CGB7: variants seen among roughly 807,000 people sequenced by gnomAD.
CGB7 encodes the protein choriogonadotropin subunit beta 7.
A neutral mutation model predicts 7.3 loss-of-function variants in CGB7; 6 were observed. The observed-to-expected ratio is 0.82, with a 90% CI of 0.45 to 1.62. The LOEUF is 1.62. CGB7 is among the 40% of genes most tolerant of loss of function. The pLI is 0.01. For synonymous variants in CGB7, 47 were observed against 100.8 expected (o/e 0.47, Z 3.20); for missense variants, 114 against 236.2 (o/e 0.48, Z 3.39).
chr19:49,056,466 C>G lies in CGB7; in HGVS notation c.-1091G>C. On this transcript the variant is annotated 5_prime_UTR_variant, in exon 3 of 5. Transcript: ENST00000684222. ...TGAGCCGGAGACATGGCCCGCCGTG[C>G]GGCGCTCGAGGCGGCCTGGAAGAGC... is the stretch of plus-strand genomic sequence containing the variant. The G allele has an allele frequency of 7.7e-6, 10 of 1,300,072 alleles. No homozygotes were observed. Among genetic ancestry groups the G allele is most frequent in the Non-Finnish European group, 9.0e-6 (9 of 995,724 alleles). The allele number at this position is 1,300,072 out of a possible 1,614,324, so 80.5% of individuals were successfully genotyped here.
rs141939188 is a variant in CGB7, at chr19:49,057,728, G to C, written c.-1615C>G. ...CCTGAAGGCGAGTTTCCAGCCCCTG[G>C]TCCTTCTGGCCTGGCGTGGATGCCC... On this transcript the variant is annotated 5_prime_UTR_variant, in exon 1 of 5. Transcript: ENST00000684222. 4,482 of 1,314,370 alleles carry C rather than the reference G, an allele frequency of 3.4e-3. 11 individuals carry two copies. Among genetic ancestry groups the C allele is most frequent in the Non-Finnish European group, 3.8e-3 (3,957 of 1,033,210 alleles). 81.4% of individuals were successfully genotyped at this position (1,314,370 alleles called of 1,614,324 possible). A position where few individuals can be genotyped will look rare whatever the true frequency, so the allele number is the denominator to read the frequency against.
At position 49,056,155 on chromosome 19, in the gene CGB7, A is replaced by G; in HGVS notation, c.-780T>C. The stretch of plus-strand genomic sequence containing the variant: ...AGTCCTGTCCCCACACTGCGGATAG[A>G]CTTAATGAGTGCGAGCCCACCTAGG... On this transcript the variant is annotated 5_prime_UTR_variant, in exon 3 of 5. Coordinates refer to ENST00000684222, the MANE Select transcript of CGB7 (RefSeq NM_001385261.1). 1 of 1,235,986 alleles carries G rather than the reference A, an allele frequency of 8.1e-7. No homozygotes were observed. The highest frequency in any genetic ancestry group is 1.0e-6 in the Non-Finnish European group (1 of 960,748). 76.6% of individuals were successfully genotyped at this position (1,235,986 alleles called of 1,614,324 possible).
chr19:49,055,284 C>T (rs2040043199), intron 3 of CGB7, 77 bp downstream of exon 3: 6 of 1,608,256 alleles, frequency 3.7e-6, no homozygotes, highest in East Asian at 2.2e-5. Context: ...TTCCACAGCT[C>T]ACACTGGTCT....
chr19:49,056,935 G>T (rs1026381188), intron 2 of CGB7, among the ~76,000 whole-genome samples, 186 bp downstream of exon 2: 2 of 152,200 alleles, frequency 1.3e-5, no homozygotes, highest in African/African-American at 4.8e-5. Flanking sequence ...GGTTCCTGGA[G>T]GTGACACTAA....
chr19:49,054,493 A>T lies in CGB7; in HGVS notation c.296T>A (p.Val99Glu). The change falls in exon 5 of 5, where the codon GTG (valine) becomes GAG (glutamate). Residue 99 changes from valine to glutamate, a missense_variant. Val to Glu is a moderately radical substitution (Grantham distance 121). Around this residue, in one of 3 missense-constraint regions of CGB7, gnomAD observed 36 missense variants for 126.1 expected, o/e 0.29. Transcript: ENST00000684222. Reference sequence around the variant, plus strand: ...GCTGAGAGCCACGGCGTAGGAGACCACGGGGTTCACGCCGCGCGGGCAGCC... The same window carrying T: ...GCTGAGAGCCACGGCGTAGGAGACCTCGGGGTTCACGCCGCGCGGGCAGCC... ...LPGCPRGVNPVVSYAVALSCQ... is the reference protein window; with the variant it reads ...LPGCPRGVNPEVSYAVALSCQ... 2 of 1,550,740 alleles carry T rather than the reference A, an allele frequency of 1.3e-6. No individual in the cohort carries two copies. Among genetic ancestry groups the T allele is most frequent in the Admixed American group, 1.8e-5 (1 of 56,462 alleles).
chr19:49,056,518 T>G lies in CGB7; in HGVS notation c.-1143A>C, dbSNP rs1265232062. 7.7e-7 allele frequency: 1 copy of G among 1,302,994 alleles called. No homozygotes were observed. Among genetic ancestry groups the G allele is most frequent in the East Asian group, 5.0e-5 (1 of 19,896 alleles). 80.7% of individuals were successfully genotyped at this position (1,302,994 alleles called of 1,614,324 possible). On this transcript the variant is annotated 5_prime_UTR_variant, in exon 3 of 5. Coordinates refer to ENST00000684222, the MANE Select transcript of CGB7 (RefSeq NM_001385261.1). ...GAGACAGGGCTGCCGCTGCGGGTCG[T>G]GACTCCAGAGTTGGGGCGTCTCTTC...
chr19:49,054,816 C>G (rs763644338), intron 4 of CGB7, 25 bp downstream of exon 4: 20 of 1,565,306 alleles, frequency 1.3e-5, no homozygotes, highest in Non-Finnish European at 1.6e-5. Flanking sequence ...GGTGGCAGCA[C>G]CTGCCCGGGC....
In CGB7 at chr19:49,055,789, A is replaced by G; in HGVS notation, c.-414T>C. The G allele has an allele frequency of 8.9e-7, 1 of 1,117,744 alleles. No homozygotes were observed. Among genetic ancestry groups the G allele is most frequent in the Non-Finnish European group, 1.1e-6 (1 of 907,358 alleles). The allele number at this position is 1,117,744 out of a possible 1,614,324, so 69.2% of individuals were successfully genotyped here. ...TTGAGCCATTCCTGCACCACAGTCC[A>G]ACCTAACAGGAGGGGCGCGGCTTCG... On this transcript the variant is annotated 5_prime_UTR_variant, in exon 3 of 5. Transcript: ENST00000684222.
chr19:49,057,464 C>T lies in CGB7; in HGVS notation c.-1351G>A. ...ACCCGAACCCTTCCCAGCCTCACCT[C>T]CCTAAATCCAAGCCCTCCTGCTGGT... On this transcript the variant is annotated splice_region_variant and 5_prime_UTR_variant, in exon 1 of 5. Transcript: ENST00000684222. 7.6e-7 allele frequency: 1 copy of T among 1,308,344 alleles called. No homozygotes were observed. Among genetic ancestry groups the T allele is most frequent in the Non-Finnish European group, 9.8e-7 (1 of 1,022,840 alleles). 81.0% of individuals were successfully genotyped at this position (1,308,344 alleles called of 1,614,324 possible).
At chr19:49,057,420 C>G in intron 1 of CGB7, 42 bp downstream of exon 1, 6 of 1,379,854 alleles carry the variant, frequency 4.3e-6, no homozygotes, top group Non-Finnish European at 5.6e-6. Context: ...CGCCAGGGAA[C>G]TTCAGCTTCC....
In CGB7 at chr19:49,055,746, G is replaced by A. The variant is rs966676772; in HGVS notation, c.-371C>T. The A allele has an allele frequency of 1.9e-4, 223 of 1,200,874 alleles. No individual in the cohort carries two copies. The highest frequency in any genetic ancestry group is 2.2e-4 in the Non-Finnish European group (214 of 956,748). 74.4% of individuals were successfully genotyped at this position (1,200,874 alleles called of 1,614,324 possible). A position where few individuals can be genotyped will look rare whatever the true frequency, so the allele number is the denominator to read the frequency against. ...GACCCGAGAAAGGTGCTGGACTGAA[G>A]CCTCAACCCTCCTCTACTTGAGCCA... On this transcript the variant is annotated 5_prime_UTR_variant, in exon 3 of 5. Coordinates refer to ENST00000684222, the MANE Select transcript of CGB7 (RefSeq NM_001385261.1).
rs2040059294 is a variant in CGB7 at position 49,056,166 on chromosome 19, G to A, written c.-791C>T. The A allele has an allele frequency of 1.6e-6, 2 of 1,249,620 alleles. No homozygotes were observed. The highest frequency in any genetic ancestry group is 1.0e-6 in the Non-Finnish European group (1 of 967,122). The allele number at this position is 1,249,620 out of a possible 1,614,324, so 77.4% of individuals were successfully genotyped here. ...CACACTGCGGATAGACTTAATGAGTGCGAGCCCACCTAGGTCCGACACCGC... is the reference window on the plus strand; with the variant it reads ...CACACTGCGGATAGACTTAATGAGTACGAGCCCACCTAGGTCCGACACCGC... On this transcript the variant is annotated 5_prime_UTR_variant, in exon 3 of 5. Transcript: ENST00000684222.
At position 49,057,634 on chromosome 19, in the gene CGB7, A is replaced by G. The variant is rs2040083132; in HGVS notation, c.-1521T>C. On this transcript the variant is annotated 5_prime_UTR_variant, in exon 1 of 5. Coordinates refer to ENST00000684222, the MANE Select transcript of CGB7 (RefSeq NM_001385261.1). ...TACCTCTCCTAACTCCCACCCTACC[A>G]CGTCTCAGAATATTCTAGTCTCCTC... 8.6e-7 allele frequency: 1 copy of G among 1,168,778 alleles called. No individual in the cohort carries two copies. Among genetic ancestry groups the G allele is most frequent in the East Asian group, 5.4e-5 (1 of 18,620 alleles). 72.4% of individuals were successfully genotyped at this position (1,168,778 alleles called of 1,614,324 possible).
intron 2 of CGB7, 116 bp downstream of exon 2, chr19:49,057,005 T>C (rs1164644617): frequency 4.6e-6 from 5 of 1,095,238 alleles, no homozygotes; most frequent in Admixed American, 2.1e-5. Flanking sequence ...GTTGCTGCTA[T>C]AGGAGTCGAG....
At position 49,056,180 on chromosome 19, in the gene CGB7, G is replaced by T; in HGVS notation, c.-805C>A. 1 of 1,266,836 alleles carries T rather than the reference G, an allele frequency of 7.9e-7. No homozygotes were observed. The highest frequency in any genetic ancestry group is 1.0e-6 in the Non-Finnish European group (1 of 975,540). The allele number at this position is 1,266,836 out of a possible 1,614,324, so 78.5% of individuals were successfully genotyped here. On this transcript the variant is annotated 5_prime_UTR_variant, in exon 3 of 5. Coordinates refer to ENST00000684222, the MANE Select transcript of CGB7 (RefSeq NM_001385261.1). Reference sequence around the variant, plus strand: ...ACTTAATGAGTGCGAGCCCACCTAGGTCCGACACCGCGTAGTGAGCGGCTG... The same window carrying T: ...ACTTAATGAGTGCGAGCCCACCTAGTTCCGACACCGCGTAGTGAGCGGCTG...
Position 49,056,079 on chromosome 19 carries a change from C to T in CGB7, c.-704G>A, listed in dbSNP as rs1460818889. On this transcript the variant is annotated 5_prime_UTR_variant, in exon 3 of 5. Coordinates refer to ENST00000684222, the MANE Select transcript of CGB7 (RefSeq NM_001385261.1). ...GCAGCCTCGGAGGACATTGTCTGGA[C>T]TTAGTCCCTTCCCCGCGATCCAGCC... is the stretch of plus-strand genomic sequence containing the variant. The T allele has an allele frequency of 3.4e-6, 4 of 1,181,590 alleles. No individual in the cohort carries two copies. In the East Asian group the frequency reaches 1.8e-4, roughly 53 times the overall value. The allele number at this position is 1,181,590 out of a possible 1,614,324, so 73.2% of individuals were successfully genotyped here. A position where few individuals can be genotyped will look rare whatever the true frequency, so the allele number is the denominator to read the frequency against.
chr19:49,055,736 C>G lies in CGB7; in HGVS notation c.-361G>C. ...AGGAGGCCGTGACCCGAGAAAGGTG[C>G]TGGACTGAAGCCTCAACCCTCCTCT... On this transcript the variant is annotated 5_prime_UTR_variant, in exon 3 of 5. Coordinates refer to ENST00000684222, the MANE Select transcript of CGB7 (RefSeq NM_001385261.1). 8.2e-6 allele frequency: 10 copies of G among 1,221,892 alleles called. No individual in the cohort carries two copies. Among genetic ancestry groups the G allele is most frequent in the Non-Finnish European group, 1.0e-5 (10 of 968,642 alleles). The allele number at this position is 1,221,892 out of a possible 1,614,324, so 75.7% of individuals were successfully genotyped here.
rs2122204831 is a variant in CGB7, at chr19:49,055,599, G to T, written c.-224C>A. On this transcript the variant is annotated 5_prime_UTR_variant, in exon 3 of 5. Coordinates refer to ENST00000684222, the MANE Select transcript of CGB7 (RefSeq NM_001385261.1). ...AGGATGAGGCGGAGACCACGGTGAAGTGACCTCTGAGACTCAGTCGTCGAG... is the reference window on the plus strand; with the variant it reads ...AGGATGAGGCGGAGACCACGGTGAATTGACCTCTGAGACTCAGTCGTCGAG... 2.1e-6 allele frequency: 3 copies of T among 1,462,358 alleles called. No homozygotes were observed. The highest frequency in any genetic ancestry group is 2.7e-6 in the Non-Finnish European group (3 of 1,108,630). 90.6% of individuals were successfully genotyped at this position (1,462,358 alleles called of 1,614,324 possible).
At position 49,055,399 on chromosome 19, in the gene CGB7, G is replaced by A; in HGVS notation, c.-24C>T. On this transcript the variant is annotated 5_prime_UTR_variant, in exon 3 of 5. Transcript: ENST00000684222. ...ATCCTTGGTGCGTCCCCTGCCTGGT[G>A]TACCTGGCTTTATACCTCGGGTTTG... 1 of 1,613,552 alleles carries A rather than the reference G, an allele frequency of 6.2e-7. No individual in the cohort carries two copies. Among genetic ancestry groups the A allele is most frequent in the Non-Finnish European group, 8.5e-7 (1 of 1,179,754 alleles).
Sources: allele counts gnomAD v4.1 joint callset (sites outside exome capture counted in the v4.1 genomes callset), GRCh38; gene constraint gnomAD v4.1.1; regional missense constraint gnomAD v4.1.1; transcripts MANE v1.5; gene names NCBI Gene and HGNC (gene_info 2026-07-23, HGNC 2026-07-21).